ITPKC: variants seen among roughly 807,000 people sequenced by gnomAD.
ITPKC encodes the protein inositol-trisphosphate 3-kinase C.
Under a neutral mutation model 67.1 loss-of-function variants are expected in ITPKC, and 33 were observed. The observed-to-expected ratio is 0.49, with a 90% CI of 0.37 to 0.66. The LOEUF (loss-of-function observed/expected upper bound fraction) is 0.66. ITPKC is among the 30% of genes least tolerant of loss of function. The pLI is 0.00. For missense variants in ITPKC, 820 were observed against 892.1 expected (o/e 0.92, Z 1.03); for synonymous variants, 341 against 359.8 (o/e 0.95, Z 0.59).
rs776003885 is a variant in ITPKC at position 40,731,595 on chromosome 19, G to GTTTTT, written c.1470-1544_1470-1540dup. ...TGGAAGCTCCTGAGCCCAATCCTTG[G>GTTTTT]TTTTTTTTTTTTTTTTTTTTTTTTT... On this transcript the variant is annotated intron_variant, in intron 3 of 6. Coordinates refer to ENST00000263370, the MANE Select transcript of ITPKC (RefSeq NM_025194.3). Among the ~76,000 whole-genome samples, 139 of 80,940 alleles carry GTTTTT rather than the reference G, an allele frequency of 1.7e-3. 1 individual carries two copies. Among genetic ancestry groups the GTTTTT allele is most frequent in the Non-Finnish European group, 2.1e-3 (91 of 44,384 alleles). The allele number at this position is 80,940 out of a possible 152,430, so 53.1% of individuals were successfully genotyped here. A position where few individuals can be genotyped will look rare whatever the true frequency, so the allele number is the denominator to read the frequency against.
At chr19:40,734,576 C>T (rs769420407) in intron 4 of ITPKC, among the ~76,000 whole-genome samples, 2 of 151,866 alleles carry the variant, frequency 1.3e-5, no homozygotes, top group Admixed American at 6.6e-5. Context: ...CCTGTAGGGC[C>T]CTCTAGGATC....
intron 3 of ITPKC, among the ~76,000 whole-genome samples, chr19:40,731,233 G>A (rs2082269337): frequency 6.6e-6 from 1 of 152,204 alleles, no homozygotes; most frequent in Admixed American, 6.5e-5. Flanking sequence ...ATTACCGCTT[G>A]AACTCCACCT....
At chr19:40,726,229 G>A (rs1378828670) in intron 2 of ITPKC, among the ~76,000 whole-genome samples, 1 of 135,838 alleles carries the variant, frequency 7.4e-6, no homozygotes, top group Non-Finnish European at 1.6e-5. Flanking sequence ...TGACAAGAGC[G>A]AAACTTCGTC....
rs1296669622 is a variant in ITPKC at position 40,718,009 on chromosome 19, G to C, written c.874G>C (p.Asp292His). ...CGGTTCCCAGACAGCACCTGGGACA[G>C]ACTGCCTCTTGGGAGAGCCTGAGGA... ...TDGSQTAPGT[D>H]CLLGEPEDGP... Residue 292 changes from aspartate to histidine, a missense_variant, in exon 1 of 7, where the codon GAC becomes CAC. Around this residue, in one of 2 missense-constraint regions of ITPKC, gnomAD observed 481 missense variants for 470.1 expected, o/e 1.02. Transcript: ENST00000263370. The C allele has an allele frequency of 1.2e-6, 2 of 1,614,176 alleles. No individual in the cohort carries two copies. Among genetic ancestry groups the C allele is most frequent in the East Asian group, 2.2e-5 (1 of 44,878 alleles).
At chr19:40,718,719 C>G (rs1402430433) in intron 1 of ITPKC, among the ~76,000 whole-genome samples, 2 of 152,190 alleles carry the variant, frequency 1.3e-5, no homozygotes, top group Non-Finnish European at 2.9e-5. Context: ...ATTTCTTAAT[C>G]TGGGGCCTGT....
intron 1 of ITPKC, among the ~76,000 whole-genome samples, chr19:40,722,122 A>T (rs1412040622): frequency 1.3e-5 from 2 of 152,122 alleles, no homozygotes. Flanking sequence ...AATCATAACC[A>T]TGACAACCCC....
intron 4 of ITPKC, among the ~76,000 whole-genome samples, chr19:40,736,024 G>C (rs951357869): frequency 3.3e-5 from 5 of 152,202 alleles, no homozygotes; most frequent in African/African-American, 1.2e-4. Context: ...AGGTGCAGTG[G>C]CTCACGCCAG....
intron 3 of ITPKC, among the ~76,000 whole-genome samples, chr19:40,729,860 TAC>T (rs951152607): frequency 3.9e-5 from 6 of 152,228 alleles, no homozygotes; most frequent in Admixed American, 6.5e-5. Flanking sequence ...GTATGAGTGT[TAC>T]AGTCGTCCCA....
chr19:40,735,818 C>A (rs572588585), intron 4 of ITPKC, among the ~76,000 whole-genome samples: 1 of 152,276 alleles, frequency 6.6e-6, no homozygotes, highest in African/African-American at 2.4e-5. Flanking sequence ...TAACAGATAA[C>A]ATTAGTCTCA....
intron 1 of ITPKC, among the ~76,000 whole-genome samples, chr19:40,719,431 G>C (rs2082210853): frequency 6.6e-6 from 1 of 151,770 alleles, no homozygotes; most frequent in Non-Finnish European, 1.5e-5. Flanking sequence ...GTTTAGCCCT[G>C]TGCTAAGTGC....
chr19:40,725,191 C>T lies in ITPKC; in HGVS notation c.1156-149C>T, dbSNP rs73548851. 5,365 of 622,328 alleles carry T rather than the reference C, an allele frequency of 8.6e-3. 99 individuals carry two copies. The highest frequency in any genetic ancestry group is 0.048 in the African/African-American group (2,648 of 54,680). The allele number at this position is 622,328 out of a possible 1,614,324, so 38.6% of individuals were successfully genotyped here. On this transcript the variant is annotated intron_variant, in intron 1 of 6. Transcript: ENST00000263370. ...ATTGCCGAACTAAGTGGGGCTCACT[C>T]ACCCCAACAAGCCTGGGAACAGTGA... is the stretch of plus-strand genomic sequence containing the variant.
At chr19:40,729,837 T>C (rs1371876309) in intron 3 of ITPKC, among the ~76,000 whole-genome samples, 3 of 152,178 alleles carry the variant, frequency 2.0e-5, no homozygotes, top group Non-Finnish European at 2.9e-5. Flanking sequence ...CCAGTGTACC[T>C]TCCCACCACC....
In ITPKC at chr19:40,717,285, G is replaced by A; in HGVS notation, c.150G>A (p.Ala50=). 1 of 1,459,380 alleles carries A rather than the reference G, an allele frequency of 6.9e-7. No individual in the cohort carries two copies. Among genetic ancestry groups the A allele is most frequent in the Non-Finnish European group, 9.0e-7 (1 of 1,111,250 alleles). The allele number at this position is 1,459,380 out of a possible 1,614,324, so 90.4% of individuals were successfully genotyped here. ...QRPGPGAGAP[A]GRPEGGGPWA... is the part of the protein sequence containing the mutation. ...CTGGGCCCGGCGCAGGGGCCCCGGC[G>A]GGGCGGCCGGAGGGGGGCGGGCCCT... The change falls in exon 1 of 7, where the codon GCG becomes GCA. Residue 50 remains alanine (A), a synonymous_variant. Coordinates refer to ENST00000263370, the MANE Select transcript of ITPKC (RefSeq NM_025194.3).
chr19:40,720,989 G>A (rs1361693112), intron 1 of ITPKC, among the ~76,000 whole-genome samples: 1 of 151,874 alleles, frequency 6.6e-6, no homozygotes, highest in Non-Finnish European at 1.5e-5. Flanking sequence ...TGCCCAGGCT[G>A]GTCTTGAACT....
chr19:40,729,194 A>G lies in ITPKC; in HGVS notation c.1256-8A>G, dbSNP rs1599651823. The G allele has an allele frequency of 6.2e-7, 1 of 1,611,496 alleles. No homozygotes were observed. Among genetic ancestry groups the G allele is most frequent in the Non-Finnish European group, 8.5e-7 (1 of 1,177,736 alleles). On this transcript the variant is annotated splice_region_variant and splice_polypyrimidine_tract_variant and intron_variant, in intron 2 of 6. Transcript: ENST00000263370. ...TCCTGATCCTCTCATTTATTCTACC[A>G]CCTTTAGGGAACTTCCAGGCAGGAG...
intron 1 of ITPKC, among the ~76,000 whole-genome samples, chr19:40,721,121 T>C (rs1263450005): frequency 1.3e-5 from 2 of 151,904 alleles, no homozygotes; most frequent in Non-Finnish European, 2.9e-5. Context: ...TTTGGTCCTA[T>C]GTTAGCTTTG....
chr19:40,729,104 A>T, intron 2 of ITPKC, 98 bp from the exon 3 acceptor site: 1 of 902,672 alleles, frequency 1.1e-6, no homozygotes, highest in Non-Finnish European at 1.8e-6. Context: ...GGGTCGGGCA[A>T]GATAATGGTG....
chr19:40,736,843 T>A (rs2082296577), intron 4 of ITPKC, 143 bp from the exon 5 acceptor site: 2 of 508,948 alleles, frequency 3.9e-6, no homozygotes, highest in East Asian at 3.4e-5. Context: ...TTTTTTTTTT[T>A]AAATAGAGAT....
At chr19:40,737,892 T>G in intron 6 of ITPKC, 123 bp downstream of exon 6, 1 of 777,342 alleles carries the variant, frequency 1.3e-6, no homozygotes, top group East Asian at 2.7e-5. Flanking sequence ...GGCCCGCACC[T>G]GTAATACCAG....
Sources: allele counts gnomAD v4.1 joint callset (sites outside exome capture counted in the v4.1 genomes callset), GRCh38; gene constraint gnomAD v4.1.1; regional missense constraint gnomAD v4.1.1; transcripts MANE v1.5; gene names NCBI Gene and HGNC (gene_info 2026-07-23, HGNC 2026-07-21).